The following LRRIQ3 variants were observed in gnomAD, a reference collection of about 807,000 sequenced individuals.
LRRIQ3 encodes the protein leucine rich repeats and IQ motif containing 3.
LRRIQ3 carries 75 observed loss-of-function variants against 59.3 expected under a neutral mutation model. The ratio of observed to expected loss-of-function variants is 1.26; its 90% confidence interval spans 1.05 to 1.53. The LOEUF (loss-of-function observed/expected upper bound fraction) is 1.53. Among genes scored for constraint, LRRIQ3 ranks in the 40% most tolerant of loss-of-function variants. The pLI is 0.00. For missense variants in LRRIQ3, 831 were observed against 710.0 expected (o/e 1.17, Z -1.94); for synonymous variants, 250 against 231.3 (o/e 1.08, Z -0.73).
At chr1:74,041,174 T>G (rs1557589000) in intron 7 of LRRIQ3, 39 bp downstream of exon 7, 1 of 1,434,012 alleles carries the variant, frequency 7.0e-7, no homozygotes, top group African/African-American at 1.4e-5. Context: ...TCACATGTAA[T>G]TGACTTTAAT....
Position 74,026,192 on chromosome 1 carries a change from A to G in LRRIQ3, c.*621T>C, listed in dbSNP as rs1569983877. The G allele has an allele frequency of 6.6e-6, 1 of 151,982 alleles. No individual in the cohort carries two copies. The highest frequency in any genetic ancestry group is 1.5e-5 in the Non-Finnish European group (1 of 67,920). 9.4% of individuals were successfully genotyped at this position (151,982 alleles called of 1,614,324 possible). A position where few individuals can be genotyped will look rare whatever the true frequency, so the allele number is the denominator to read the frequency against. ...CCCTGTCTTCACATGTATACCAAAC[A>G]GGGCAAACCCATCAAAAGTAAATAT... is the stretch of plus-strand genomic sequence containing the variant. On this transcript the variant is annotated 3_prime_UTR_variant, in exon 8 of 8. Coordinates refer to ENST00000354431, the MANE Select transcript of LRRIQ3 (RefSeq NM_001105659.2).
chr1:74,051,092 A>G (rs895208107), intron 6 of LRRIQ3, among the ~76,000 whole-genome samples: 4 of 152,196 alleles, frequency 2.6e-5, no homozygotes, highest in Non-Finnish European at 4.4e-5. Context: ...CTCTCACTTT[A>G]CATCTTTAAT....
chr1:74,109,219 T>C (rs1428988286), intron 5 of LRRIQ3, 175 bp downstream of exon 5: 2 of 561,842 alleles, frequency 3.6e-6, no homozygotes, highest in Non-Finnish European at 6.4e-6. Flanking sequence ...ACCACAAAAA[T>C]ATATTTGTAT....
chr1:74,165,292 T>C (rs1291230380), intron 3 of LRRIQ3, among the ~76,000 whole-genome samples: 1 of 151,578 alleles, frequency 6.6e-6, no homozygotes, highest in Non-Finnish European at 1.5e-5. Flanking sequence ...TTATGTAGTT[T>C]TCAGCGCAGC....
rs777388528 is a variant in LRRIQ3 at position 74,041,203 on chromosome 1, T to C, written c.1718+10A>G. The C allele has an allele frequency of 1.3e-6, 2 of 1,541,920 alleles. No homozygotes were observed. Among genetic ancestry groups the C allele is most frequent in the South Asian group, 2.4e-5 (2 of 82,042 alleles). ...CTTTAATGCCTCTGTTATATCTAAA[T>C]TGTACCTACCTAACTTTTTTCATTT... is the stretch of plus-strand genomic sequence containing the variant. On this transcript the variant is annotated intron_variant, in intron 7 of 7. Transcript: ENST00000354431.
At chr1:74,120,003 G>C (rs906182594) in intron 4 of LRRIQ3, among the ~76,000 whole-genome samples, 2 of 151,802 alleles carry the variant, frequency 1.3e-5, no homozygotes, top group African/African-American at 4.8e-5. Flanking sequence ...AGAAAGGATG[G>C]TTATTTGTAT....
chr1:74,175,289 C>T (rs1014139283), intron 3 of LRRIQ3, among the ~76,000 whole-genome samples: 2 of 152,190 alleles, frequency 1.3e-5, no homozygotes, highest in Non-Finnish European at 2.9e-5. Context: ...GGCTATGGGG[C>T]TACTGCCAAT....
Position 74,026,944 on chromosome 1 carries a change from A to G in LRRIQ3, c.1744T>C (p.Cys582Arg), listed in dbSNP as rs886719432. 2 of 1,576,252 alleles carry G rather than the reference A, an allele frequency of 1.3e-6. No homozygotes were observed. The highest frequency in any genetic ancestry group is 1.8e-5 in the Admixed American group (1 of 56,814). The change falls in exon 8 of 8, where the codon TGT becomes CGT. Residue 582 changes from cysteine (C) to arginine (R), a missense_variant. Cys to Arg is a radical substitution (Grantham distance 180). Coordinates refer to ENST00000354431, the MANE Select transcript of LRRIQ3 (RefSeq NM_001105659.2). ...VRSQEIYKRH[C>R]EEKFVMDMIA... The stretch of plus-strand genomic sequence containing the variant: ...ATATCCATAACAAATTTTTCTTCAC[A>G]ATGTCTTTTATATATTTCTTGAGAT...
intron 6 of LRRIQ3, among the ~76,000 whole-genome samples, chr1:74,045,016 G>A (rs1165906025): frequency 1.3e-5 from 2 of 152,104 alleles, no homozygotes; most frequent in African/African-American, 2.4e-5. Context: ...ATTCACAGCC[G>A]AATTCTACTA....
chr1:74,167,888 G>T (rs1649087232), intron 3 of LRRIQ3, among the ~76,000 whole-genome samples: 1 of 152,088 alleles, frequency 6.6e-6, no homozygotes, highest in African/African-American at 2.4e-5. Context: ...GTTTCCAAGT[G>T]TTTGGAGATT....
chr1:74,124,875 G>T (rs1570158236), intron 4 of LRRIQ3, among the ~76,000 whole-genome samples: 1 of 151,782 alleles, frequency 6.6e-6, no homozygotes, highest in African/African-American at 2.4e-5. Context: ...TTTTAGGATT[G>T]TTTTCTCTAT....
intron 4 of LRRIQ3, among the ~76,000 whole-genome samples, chr1:74,137,430 A>T (rs1647142518): frequency 6.6e-6 from 1 of 152,122 alleles, no homozygotes; most frequent in Non-Finnish European, 1.5e-5. Flanking sequence ...AATCTTTAAA[A>T]AGTCAGGAAG....
chr1:74,058,912 G>A (rs1367449299), intron 6 of LRRIQ3, among the ~76,000 whole-genome samples: 1 of 152,002 alleles, frequency 6.6e-6, no homozygotes, highest in Non-Finnish European at 1.5e-5. Context: ...AGCAATGTAT[G>A]TAAATCCATC....
At chr1:74,064,331 T>C (rs1250687248) in intron 6 of LRRIQ3, among the ~76,000 whole-genome samples, 1 of 151,988 alleles carries the variant, frequency 6.6e-6, no homozygotes, top group African/African-American at 2.4e-5. Context: ...GCCTCCTTTA[T>C]GCTGTTATTA....
chr1:74,070,103 C>T (rs1485308249), intron 6 of LRRIQ3, among the ~76,000 whole-genome samples: 1 of 151,974 alleles, frequency 6.6e-6, no homozygotes, highest in African/African-American at 2.4e-5. Flanking sequence ...ACTATTTGGC[C>T]TAGCAATTCC....
intron 4 of LRRIQ3, among the ~76,000 whole-genome samples, chr1:74,123,816 A>G (rs1646896766): frequency 6.6e-6 from 1 of 152,022 alleles, no homozygotes; most frequent in Non-Finnish European, 1.5e-5. Flanking sequence ...TACTTTGGGT[A>G]TGTCCTTAGC....
At chr1:74,149,498 A>G (rs1647789389) in intron 4 of LRRIQ3, among the ~76,000 whole-genome samples, 1 of 152,196 alleles carries the variant, frequency 6.6e-6, no homozygotes, top group South Asian at 2.1e-4. Context: ...GTAGACTTAC[A>G]GCAATGTGCC....
intron 7 of LRRIQ3, among the ~76,000 whole-genome samples, chr1:74,040,873 T>C (rs1654022569): frequency 6.6e-6 from 1 of 152,108 alleles, no homozygotes; most frequent in Admixed American, 6.5e-5. Flanking sequence ...AACATCAGAA[T>C]TAAAAGAGCT....
intron 5 of LRRIQ3, among the ~76,000 whole-genome samples, chr1:74,086,858 G>A (rs1163711446): frequency 6.6e-6 from 1 of 151,998 alleles, no homozygotes; most frequent in Non-Finnish European, 1.5e-5. Flanking sequence ...ATAAACTCCT[G>A]TAATCTATAA....
Sources: gnomAD v4.1 joint callset for allele counts (sites outside exome capture counted in the v4.1 genomes callset) on GRCh38, gnomAD v4.1.1 for gene constraint, MANE v1.5 for transcripts, NCBI Gene and HGNC (gene_info 2026-07-23, HGNC 2026-07-21) for gene names.